Variants in FREM3 observed in about 807,000 individuals in gnomAD.
FREM3 encodes FRAS1-related extracellular matrix protein 3.
FREM3 carries 105 observed loss-of-function variants against 129.1 expected under a neutral mutation model. The observed-to-expected ratio is 0.81, with a 90% CI of 0.69 to 0.96. The LOEUF is 0.96. FREM3 is among the 40% of genes least tolerant of loss of function. FREM3 has a pLI of 0.00. For synonymous variants in FREM3, 1,014 were observed against 1,044.9 expected, an observed-to-expected ratio of 0.97 and a Z score of 0.57; for missense variants, 2,593 against 2,666.3, an observed-to-expected ratio of 0.97 and a Z score of 0.61.
intron 2 of FREM3, among the ~76,000 whole-genome samples, chr4:143,685,690 T>C (rs1190668588): frequency 6.6e-6 from 1 of 152,234 alleles, no homozygotes; most frequent in East Asian, 1.9e-4. Context: ...TTACATTGAA[T>C]GTCAATGATC....
At position 143,671,226 on chromosome 4, in the gene FREM3, A is replaced by C. The variant is rs569894603; in HGVS notation, c.5275+21887T>G. On this transcript the variant is annotated intron_variant, in intron 2 of 7. Transcript: ENST00000329798. ...ATCACCTATTATATGTCAGGCAGGC[A>C]TTTCAATTCCAACATAGATTATGAT... Among the ~76,000 whole-genome samples, 15 of 152,266 alleles carry C rather than the reference A, an allele frequency of 9.9e-5. No homozygotes were observed. In the South Asian group the frequency reaches 3.1e-3, roughly 32 times the overall value.
chr4:143,666,821 ATAAT>A (rs1418152901), intron 2 of FREM3, among the ~76,000 whole-genome samples: 1 of 151,028 alleles, frequency 6.6e-6, no homozygotes, highest in Non-Finnish European at 1.5e-5. Flanking sequence ...CATTGTAAAT[ATAAT>A]TGATGCCACT....
At chr4:143,602,066 T>C (rs1042017565) in intron 6 of FREM3, 1 of 152,192 alleles carries the variant, frequency 6.6e-6, no homozygotes, top group Non-Finnish European at 1.5e-5. Context: ...TACAAGATGA[T>C]GTATTTGACT....
chr4:143,619,192 T>C (rs1738905656), intron 5 of FREM3, among the ~76,000 whole-genome samples: 1 of 152,134 alleles, frequency 6.6e-6, no homozygotes, highest in African/African-American at 2.4e-5. Flanking sequence ...AACACTGCCA[T>C]TTTGTGCATA....
chr4:143,606,205 A>G (rs1163258810), intron 6 of FREM3, among the ~76,000 whole-genome samples: 3 of 152,184 alleles, frequency 2.0e-5, no homozygotes, highest in Non-Finnish European at 4.4e-5. Flanking sequence ...ATCAAGGTGC[A>G]TTACAAAATC....
intron 7 of FREM3, among the ~76,000 whole-genome samples, chr4:143,579,046 TAAACTC>T (rs1483958984): frequency 6.8e-6 from 1 of 147,882 alleles, no homozygotes; most frequent in Non-Finnish European, 1.5e-5. Context: ...GTTCCAAACT[TAAACTC>T]AAGAGTTGAC....
At chr4:143,690,750 C>G (rs1383975842) in intron 2 of FREM3, among the ~76,000 whole-genome samples, 1 of 152,080 alleles carries the variant, frequency 6.6e-6, no homozygotes, top group Admixed American at 6.6e-5. Context: ...TTCAAAATAA[C>G]AGATAAAAAA....
intron 2 of FREM3, among the ~76,000 whole-genome samples, chr4:143,643,525 T>C (rs1347849817): frequency 6.6e-6 from 1 of 152,126 alleles, no homozygotes; most frequent in Non-Finnish European, 1.5e-5. Context: ...TGAATGAACC[T>C]GGGAGACTTC....
At chr4:143,631,977 T>G (rs1007131150) in intron 2 of FREM3, among the ~76,000 whole-genome samples, 1 of 152,150 alleles carries the variant, frequency 6.6e-6, no homozygotes, top group African/African-American at 2.4e-5. Flanking sequence ...TAAAAACATT[T>G]CAGGCACCCT....
At position 143,585,879 on chromosome 4, in the gene FREM3, A is replaced by G. The variant is rs1452812954; in HGVS notation, c.6143T>C (p.Val2048Ala). 6.5e-7 allele frequency: 1 copy of G among 1,537,300 alleles called. No homozygotes were observed. Among genetic ancestry groups the G allele is most frequent in the Non-Finnish European group, 8.7e-7 (1 of 1,146,930 alleles). The change falls in exon 7 of 8, where the codon GTG becomes GCG. Residue 2048 changes from valine (V) to alanine (A), a missense_variant. Physicochemically the swap from Val to Ala is moderately conservative, Grantham distance 64. Coordinates refer to ENST00000329798, the MANE Select transcript of FREM3 (RefSeq NM_001168235.2). This position sits in a 1 kb window ranked among gnomAD's most constrained non-coding sequence, Gnocchi z 4.2. ...TDLSQPSSIA[V>A]RSRKSEQESA... ...CTCCTGCTCTGACTTTCTGGAGCGC[A>G]CGGCGATGGATGATGGTTGGGAAAG...
intron 2 of FREM3, among the ~76,000 whole-genome samples, chr4:143,673,093 G>A (rs1406448253): frequency 2.0e-5 from 3 of 152,292 alleles, no homozygotes; most frequent in African/African-American, 4.8e-5. Flanking sequence ...CTCTCAACTC[G>A]TCAAAGTCAT....
At chr4:143,671,585 G>A (rs1739965864) in intron 2 of FREM3, among the ~76,000 whole-genome samples, 1 of 151,956 alleles carries the variant, frequency 6.6e-6, no homozygotes, top group Non-Finnish European at 1.5e-5. Context: ...TGACTTTTCT[G>A]TACTAAAATT....
At chr4:143,630,658 C>T (rs1036029777) in intron 2 of FREM3, among the ~76,000 whole-genome samples, 14 of 152,102 alleles carry the variant, frequency 9.2e-5, no homozygotes, top group African/African-American at 2.4e-4. Context: ...TGTTAGGCAC[C>T]ATATCAATTC....
chr4:143,685,451 G>A (rs1025938522), intron 2 of FREM3, among the ~76,000 whole-genome samples: 48 of 152,218 alleles, frequency 3.2e-4, no homozygotes, highest in African/African-American at 1.1e-3. Flanking sequence ...CAAGTGCTGA[G>A]GGAATTTATC....
chr4:143,679,189 G>T (rs1437848218), intron 2 of FREM3, among the ~76,000 whole-genome samples: 1 of 152,058 alleles, frequency 6.6e-6, no homozygotes, highest in Non-Finnish European at 1.5e-5. Context: ...CTAAATTCAG[G>T]TATTTATTTG....
chr4:143,700,486 T>C lies in FREM3; in HGVS notation c.190A>G (p.Ile64Val). 1 of 1,509,962 alleles carries C rather than the reference T, an allele frequency of 6.6e-7. No homozygotes were observed. The highest frequency in any genetic ancestry group is 2.1e-5 in the Admixed American group (1 of 48,344). 93.5% of individuals were successfully genotyped at this position (1,509,962 alleles called of 1,614,324 possible). The change falls in exon 1 of 8, where the codon ATT becomes GTT. Residue 64 changes from isoleucine (I) to valine (V), a missense_variant. Physicochemically the swap from Ile to Val is conservative, Grantham distance 29. This residue lies in a region of FREM3 where 2,276 missense variants were observed against 2,267.2 expected (regional missense o/e 1.00). Coordinates refer to ENST00000329798, the MANE Select transcript of FREM3 (RefSeq NM_001168235.2). ...GGCACCCGGAGTCCAGGGTTGGCAA[T>C]CAGCACGCTGGGGCCGTCGGGGCGA... ...GTRPDGPSVL[I>V]ANPGLRVPLG...
At position 143,697,413 on chromosome 4, in the gene FREM3, AAGG is replaced by A; in HGVS notation, c.3260_3262del (p.Ser1087del). 2 of 1,537,226 alleles carry A rather than the reference AAGG, an allele frequency of 1.3e-6. No homozygotes were observed. Among genetic ancestry groups the A allele is most frequent in the Non-Finnish European group, 1.7e-6 (2 of 1,146,892 alleles). ...TTCAACATGGAGATGTTGTAAGGTC[AAGG>A]AGTTCTTCTCACCTTCATAGACAAT... On this transcript the variant is annotated inframe_deletion, in exon 1 of 8. Coordinates refer to ENST00000329798, the MANE Select transcript of FREM3 (RefSeq NM_001168235.2).
At chr4:143,667,108 C>G (rs1739876691) in intron 2 of FREM3, among the ~76,000 whole-genome samples, 1 of 152,020 alleles carries the variant, frequency 6.6e-6, no homozygotes. Context: ...TTTGATATTT[C>G]TAATAGTTGC....
At chr4:143,645,022 A>G (rs1387872994) in intron 2 of FREM3, 1 of 152,228 alleles carries the variant, frequency 6.6e-6, no homozygotes, top group African/African-American at 2.4e-5. Context: ...GGGGATAAGC[A>G]TCACTAGTGA....
Sources: gnomAD v4.1 joint callset for allele counts (sites outside exome capture counted in the v4.1 genomes callset) on GRCh38, gnomAD v4.1.1 for gene constraint, gnomAD v4.1.1 regional missense constraint, Gnocchi (gnomAD v3.1) non-coding constraint, MANE v1.5 for transcripts, NCBI Gene and HGNC (gene_info 2026-07-23, HGNC 2026-07-21) for gene names.